Variants in SBK1 observed in about 807,000 individuals in gnomAD.
SBK1 encodes the protein serine/threonine-protein kinase SBK1.
A neutral mutation model predicts 24.4 loss-of-function variants in SBK1; 11 were observed. That is an observed-to-expected ratio of 0.45 (90% CI 0.28 to 0.75). The LOEUF (loss-of-function observed/expected upper bound fraction) is 0.75. SBK1 is among the 30% of genes least tolerant of loss of function. The pLI, the probability that SBK1 is intolerant of heterozygous loss-of-function variation, is 0.12. For synonymous variants in SBK1, 308 were observed against 284.4 expected (o/e 1.08, Z -0.83); for missense variants, 467 against 620.5 (o/e 0.75, Z 2.63).
chr16:28,304,153 C>T (rs755818860), intron 1 of SBK1, among the ~76,000 whole-genome samples: 8 of 152,206 alleles, frequency 5.3e-5, no homozygotes, highest in Non-Finnish European at 8.8e-5. Context: ...AGGTTAGCCA[C>T]GACCCAAGTG....
At chr16:28,296,955 C>A (rs189785299) in intron 1 of SBK1, among the ~76,000 whole-genome samples, 1 of 152,282 alleles carries the variant, frequency 6.6e-6, no homozygotes, top group African/African-American at 2.4e-5. Flanking sequence ...AAGTTTCTTC[C>A]TTCTAACTTT....
Position 28,321,073 on chromosome 16 carries a change from G to A in SBK1, c.*152G>A. 1 of 729,824 alleles carries A rather than the reference G, an allele frequency of 1.4e-6. No individual in the cohort carries two copies. The highest frequency in any genetic ancestry group is 1.9e-6 in the Non-Finnish European group (1 of 519,534). The allele number at this position is 729,824 out of a possible 1,614,324, so 45.2% of individuals were successfully genotyped here. A position where few individuals can be genotyped will look rare whatever the true frequency, so the allele number is the denominator to read the frequency against. On this transcript the variant is annotated 3_prime_UTR_variant, in exon 4 of 4. Coordinates refer to ENST00000341901, the MANE Select transcript of SBK1 (RefSeq NM_001024401.3). ...GCGGCCCGGCACCTGGTCCGTCCCC[G>A]GCGGGCTGGTGAGGGGGCCACCAAA...
At chr16:28,280,218 C>T (rs1178347890) in intron 1 of SBK1, among the ~76,000 whole-genome samples, 4 of 123,676 alleles carry the variant, frequency 3.2e-5, no homozygotes, top group South Asian at 5.0e-4. Context: ...TATACGTATA[C>T]GCATATACAT....
Position 28,321,212 on chromosome 16 carries a change from C to T in SBK1, c.*291C>T, listed in dbSNP as rs1450582704. On this transcript the variant is annotated 3_prime_UTR_variant, in exon 4 of 4. Transcript: ENST00000341901. ...ACACACACACACACACACACACACA[C>T]ACACACACACACACACACACACACA... 2.6e-5 allele frequency: 5 copies of T among 190,984 alleles called. No homozygotes were observed. Among genetic ancestry groups the T allele is most frequent in the South Asian group, 1.7e-4 (1 of 6,036 alleles). The allele number at this position is 190,984 out of a possible 1,614,324, so 11.8% of individuals were successfully genotyped here.
At chr16:28,268,640 G>T (rs2044444642) in intron 1 of SBK1, among the ~76,000 whole-genome samples, 4 of 152,000 alleles carry the variant, frequency 2.6e-5, no homozygotes, top group African/African-American at 9.7e-5. Flanking sequence ...GCACGTGCCT[G>T]TAGTCCCAGC....
intron 1 of SBK1, among the ~76,000 whole-genome samples, chr16:28,263,806 G>A (rs1162560510): frequency 6.6e-6 from 1 of 152,132 alleles, no homozygotes; most frequent in Non-Finnish European, 1.5e-5. Flanking sequence ...CTTTGGAGAT[G>A]GGGAAGTAAG....
chr16:28,259,309 C>T lies in SBK1; in HGVS notation c.64C>T (p.Arg22Cys), dbSNP rs554207000. ...AGCCGACGGGCTGCTGACCCTGGAG[C>T]GCCCTGGCTCGGGGACTCCTGCCCA... Residue 22 changes from arginine to cysteine, a missense_variant, in exon 1 of 4, where the codon CGC (arginine) becomes TGC (cysteine). Physicochemically the swap from Arg to Cys is radical, Grantham distance 180 (BLOSUM62 -3). Coordinates refer to the SBK1 transcript ENST00000671413. The surrounding 1 kb of genome is among the most constrained non-coding windows in gnomAD (Gnocchi z 6.0). The T allele has an allele frequency of 1.3e-4, 28 of 214,172 alleles. No individual in the cohort carries two copies. Among genetic ancestry groups the T allele is most frequent in the East Asian group, 1.1e-3 (6 of 5,410 alleles). The allele number at this position is 214,172 out of a possible 1,614,324, so 13.3% of individuals were successfully genotyped here. A position where few individuals can be genotyped will look rare whatever the true frequency, so the allele number is the denominator to read the frequency against.
chr16:28,308,152 T>G (rs1017333599), intron 1 of SBK1, among the ~76,000 whole-genome samples: 1 of 152,104 alleles, frequency 6.6e-6, no homozygotes, highest in African/African-American at 2.4e-5. Flanking sequence ...AAATCTAATC[T>G]CTCTGGTTTG....
chr16:28,287,605 G>A (rs944624131), upstream of SBK1, among the ~76,000 whole-genome samples: 1 of 152,166 alleles, frequency 6.6e-6, no homozygotes, highest in African/African-American at 2.4e-5. Flanking sequence ...CAGGGACAAA[G>A]GACTGCACCA....
chr16:28,311,443 A>C (rs2044754423), intron 1 of SBK1, among the ~76,000 whole-genome samples: 1 of 152,160 alleles, frequency 6.6e-6, no homozygotes, highest in Non-Finnish European at 1.5e-5. Context: ...CTAAAGCCTT[A>C]GAGAGGCCAG....
chr16:28,303,123 GGACCAGCGTGTT>G (rs1459920018), intron 1 of SBK1, among the ~76,000 whole-genome samples: 1 of 150,916 alleles, frequency 6.6e-6, no homozygotes, highest in East Asian at 1.9e-4. Flanking sequence ...AACAGTGGGG[GGACCAGCGTGTT>G]GAGCAGAGGG....
intron 1 of SBK1, chr16:28,286,460 A>C (rs1211034544): frequency 6.6e-6 from 1 of 152,134 alleles, no homozygotes; most frequent in Non-Finnish European, 1.5e-5. Context: ...GGATCACCTG[A>C]GGTCAGGAGT....
chr16:28,284,811 G>A (rs2044555521), intron 1 of SBK1: 1 of 152,066 alleles, frequency 6.6e-6, no homozygotes, highest in South Asian at 2.1e-4. Flanking sequence ...TTCTTTTTAA[G>A]ATCCCATTTT....
chr16:28,312,849 A>G (rs1346091592), intron 1 of SBK1, among the ~76,000 whole-genome samples: 1 of 151,898 alleles, frequency 6.6e-6, no homozygotes, highest in African/African-American at 2.4e-5. Flanking sequence ...AAAATAAAAT[A>G]TGGGCCGGAT....
intron 1 of SBK1, among the ~76,000 whole-genome samples, chr16:28,264,427 G>A (rs2044415746): frequency 6.6e-6 from 1 of 151,218 alleles, no homozygotes; most frequent in South Asian, 2.1e-4. Context: ...TACAAAAATT[G>A]GCCAGGCATG....
intron 1 of SBK1, among the ~76,000 whole-genome samples, chr16:28,273,311 C>T (rs1340263107): frequency 1.3e-5 from 2 of 151,952 alleles, no homozygotes; most frequent in East Asian, 3.9e-4. Context: ...ACTTCCGCCT[C>T]CTGGGTTCAA....
chr16:28,301,550 C>A (rs927956007), intron 1 of SBK1, among the ~76,000 whole-genome samples: 1 of 152,234 alleles, frequency 6.6e-6, no homozygotes, highest in Non-Finnish European at 1.5e-5. Context: ...AGTCTGGACT[C>A]TTCCTCCCAG....
intron 1 of SBK1, among the ~76,000 whole-genome samples, chr16:28,281,805 C>G (rs2044534639): frequency 6.6e-6 from 1 of 152,112 alleles, no homozygotes; most frequent in African/African-American, 2.4e-5. Context: ...ACAGAGGCCC[C>G]CTGAGGGCGA....
intron 1 of SBK1, among the ~76,000 whole-genome samples, chr16:28,280,234 C>CATATATACGTATATATCTGT (rs1160494702): frequency 8.1e-6 from 1 of 123,764 alleles, no homozygotes; most frequent in African/African-American, 3.1e-5. Flanking sequence ...TACATATATA[C>CATATATACGTATATATCTGT]ATATATACGT....
Sources: allele counts gnomAD v4.1 joint callset (sites outside exome capture counted in the v4.1 genomes callset), GRCh38; gene constraint gnomAD v4.1.1; non-coding constraint Gnocchi (gnomAD v3.1); transcripts MANE v1.5; gene names NCBI Gene and HGNC (gene_info 2026-07-23, HGNC 2026-07-21).